Variants in SYT1 observed in about 807,000 individuals in gnomAD.
The protein encoded by SYT1 is synaptotagmin-1.
SYT1 carries 8 observed loss-of-function variants against 44.8 expected under a neutral mutation model. That is an observed-to-expected ratio of 0.18 (90% CI 0.10 to 0.32). The LOEUF (loss-of-function observed/expected upper bound fraction) is 0.32. Ranked by LOEUF, SYT1 falls within the 10% of genes least tolerant of loss-of-function variation. The pLI, the probability that SYT1 is intolerant of heterozygous loss-of-function variation, is 1.00. For missense variants in SYT1, 286 were observed against 509.3 expected (o/e 0.56, Z 4.22); for synonymous variants, 154 against 188.8 (o/e 0.82, Z 1.51).
chr12:79,272,082 G>A (rs1878456747), intron 4 of SYT1, among the ~76,000 whole-genome samples: 1 of 152,094 alleles, frequency 6.6e-6, no homozygotes, highest in Non-Finnish European at 1.5e-5. Context: ...GGTAAGCCTT[G>A]AAAAGGAAGT....
intron 2 of SYT1, among the ~76,000 whole-genome samples, chr12:79,001,580 C>T (rs1870745299): frequency 6.6e-6 from 1 of 152,094 alleles, no homozygotes; most frequent in Non-Finnish European, 1.5e-5. Flanking sequence ...TATATAAAGG[C>T]TCAAGGAGTC....
chr12:78,933,883 G>A (rs1452195241), intron 1 of SYT1, among the ~76,000 whole-genome samples: 2 of 150,302 alleles, frequency 1.3e-5, no homozygotes, highest in Admixed American at 1.3e-4. Context: ...AAGGGAACAT[G>A]CCTGCTTTGT....
intron 1 of SYT1, among the ~76,000 whole-genome samples, chr12:78,870,204 G>A (rs1378318381): frequency 6.6e-6 from 1 of 152,024 alleles, no homozygotes; most frequent in African/African-American, 2.4e-5. Context: ...ATACTAGCTT[G>A]CAACCATGCT....
At chr12:79,222,014 G>A (rs1314379963) in intron 4 of SYT1, among the ~76,000 whole-genome samples, 17 of 152,004 alleles carry the variant, frequency 1.1e-4, no homozygotes, top group Non-Finnish European at 8.8e-5. Context: ...ACTTTTGTTT[G>A]TCTAGGAAAG....
At chr12:79,124,797 C>G (rs1868351489) in intron 3 of SYT1, among the ~76,000 whole-genome samples, 1 of 151,932 alleles carries the variant, frequency 6.6e-6, no homozygotes, top group Non-Finnish European at 1.5e-5. Flanking sequence ...AATTGTATCT[C>G]TACTCTTTTT....
intron 1 of SYT1, among the ~76,000 whole-genome samples, chr12:78,966,376 G>T (rs1879775571): frequency 6.6e-6 from 1 of 151,854 alleles, no homozygotes; most frequent in African/African-American, 2.4e-5. Flanking sequence ...TCATTTTAAA[G>T]AAGTGAAAAC....
intron 4 of SYT1, among the ~76,000 whole-genome samples, chr12:79,252,113 A>G (rs939590525): frequency 1.2e-4 from 19 of 152,124 alleles, no homozygotes; most frequent in Non-Finnish European, 1.0e-4. Flanking sequence ...CATAGATTTC[A>G]CAGCTACACG....
At chr12:79,260,282 A>G (rs1877758133) in intron 4 of SYT1, among the ~76,000 whole-genome samples, 1 of 152,248 alleles carries the variant, frequency 6.6e-6, no homozygotes, top group African/African-American at 2.4e-5. Context: ...AACTTTACAC[A>G]CACACAAACA....
intron 3 of SYT1, among the ~76,000 whole-genome samples, chr12:79,184,046 G>A (rs1254150001): frequency 2.0e-5 from 3 of 152,020 alleles, no homozygotes; most frequent in Non-Finnish European, 2.9e-5. Context: ...GAAACATCCT[G>A]TAGTTTTGCC....
chr12:79,302,873 A>G (rs1351301740), intron 8 of SYT1, among the ~76,000 whole-genome samples: 2 of 152,130 alleles, frequency 1.3e-5, no homozygotes, highest in Non-Finnish European at 1.5e-5. Context: ...TTTCTTTAAA[A>G]CAGAAATATG....
intron 8 of SYT1, among the ~76,000 whole-genome samples, chr12:79,308,612 AAAAGAAAGAAAGAAAG>A (rs199999817): frequency 0.34 from 45,475 of 134,016 alleles, 8,143 homozygotes; most frequent in African/African-American, 0.56. Flanking sequence ...GAAAGAAAGA[AAAAGAAAGAAAGAAAG>A]AAAGAAAGAA....
intron 3 of SYT1, among the ~76,000 whole-genome samples, chr12:79,071,734 C>G (rs1011242793): frequency 4.6e-5 from 7 of 152,118 alleles, no homozygotes; most frequent in Admixed American, 3.9e-4. Context: ...ATTGCTGCCT[C>G]TGTCTTCACA....
Position 78,945,819 on chromosome 12 carries a change from T to G in SYT1, c.-216-31980T>G, listed in dbSNP as rs1052970713. 2.6e-5 allele frequency among the ~76,000 whole-genome samples: 4 copies of G among 152,136 alleles called. No homozygotes were observed. The East Asian group carries it at 7.7e-4, about 29-fold the overall frequency. The stretch of plus-strand genomic sequence containing the variant: ...ATTCAGTCCCTGATCCTCAACCCCA[T>G]AGCCAACATGCCTCACACATATCCT... On this transcript the variant is annotated intron_variant, in intron 1 of 10. Coordinates refer to ENST00000261205, the MANE Select transcript of SYT1 (RefSeq NM_005639.3).
intron 4 of SYT1, among the ~76,000 whole-genome samples, chr12:79,266,249 A>G (rs1878120706): frequency 6.6e-6 from 1 of 152,220 alleles, no homozygotes; most frequent in Non-Finnish European, 1.5e-5. Flanking sequence ...TTAGAAAGAC[A>G]AGTCACAAAG....
chr12:79,205,425 T>A (rs2138513298), intron 3 of SYT1, among the ~76,000 whole-genome samples: 1 of 152,356 alleles, frequency 6.6e-6, no homozygotes, highest in South Asian at 2.1e-4. Context: ...GTGGCACTTT[T>A]AAAATAAATA....
intron 1 of SYT1, among the ~76,000 whole-genome samples, chr12:78,907,187 A>G (rs1261224066): frequency 6.6e-6 from 1 of 152,072 alleles, no homozygotes; most frequent in Non-Finnish European, 1.5e-5. Context: ...AAAAGAAGAA[A>G]AAAAAAGATA....
chr12:79,419,366 C>T (rs769528403), intron 9 of SYT1: 1 of 461,722 alleles, frequency 2.2e-6, no homozygotes, highest in Non-Finnish European at 4.6e-6. Context: ...TCCACTGCAC[C>T]CTTTCTCCAT....
At chr12:79,061,060 T>C (rs1565787536) in intron 3 of SYT1, among the ~76,000 whole-genome samples, 1 of 152,110 alleles carries the variant, frequency 6.6e-6, no homozygotes, top group Non-Finnish European at 1.5e-5. Flanking sequence ...GCCATTTCTC[T>C]AAAATTAAAT....
chr12:79,431,722 T>C (rs1240810108), intron 9 of SYT1, among the ~76,000 whole-genome samples: 2 of 152,012 alleles, frequency 1.3e-5, no homozygotes, highest in African/African-American at 2.4e-5. Context: ...TTTGTATTTT[T>C]AGTACAGACG....
Sources: allele counts gnomAD v4.1 joint callset (sites outside exome capture counted in the v4.1 genomes callset), GRCh38; gene constraint gnomAD v4.1.1; transcripts MANE v1.5; gene names NCBI Gene and HGNC (gene_info 2026-07-23, HGNC 2026-07-21).